ALPK1: variants seen among roughly 807,000 people sequenced by gnomAD.
ALPK1 encodes the protein alpha-protein kinase 1.
ALPK1 carries 110 observed loss-of-function variants against 120.6 expected under a neutral mutation model. The ratio of observed to expected loss-of-function variants is 0.91; its 90% CI spans 0.78 to 1.07. The LOEUF (loss-of-function observed/expected upper bound fraction) is 1.07, where lower values mean the gene tolerates loss of function less well. Ranked by LOEUF, ALPK1 falls within the 50% of genes least tolerant of loss-of-function variation. The pLI is 0.00. For synonymous variants in ALPK1, 582 were observed against 560.3 expected (o/e 1.04, Z -0.55); for missense variants, 1,498 against 1,483.9 (o/e 1.01, Z -0.16).
chr4:112,303,488 T>C (rs1232282822), intron 1 of ALPK1, among the ~76,000 whole-genome samples: 3 of 152,206 alleles, frequency 2.0e-5, no homozygotes, highest in African/African-American at 7.2e-5. Context: ...GAAGTCACAC[T>C]GATTCCATTC....
intron 4 of ALPK1, among the ~76,000 whole-genome samples, chr4:112,407,490 T>TA (rs1465362132): frequency 5.3e-5 from 8 of 151,954 alleles, no homozygotes; most frequent in African/African-American, 1.9e-4. Context: ...AAAAATTAAT[T>TA]AAAAATAAGT....
intron 11 of ALPK1, among the ~76,000 whole-genome samples, chr4:112,432,841 G>A (rs1281429673): frequency 6.6e-6 from 1 of 152,208 alleles, no homozygotes; most frequent in Non-Finnish European, 1.5e-5. Flanking sequence ...GAGGGAGACA[G>A]GAAACTTAGA....
In ALPK1 at chr4:112,431,063, ACTC is replaced by A; in HGVS notation, c.1517_1519del (p.Thr506_Gln507delinsLys). 1 of 1,614,242 alleles carries A rather than the reference ACTC, an allele frequency of 6.2e-7. No individual in the cohort carries two copies. The highest frequency in any genetic ancestry group is 8.5e-7 in the Non-Finnish European group (1 of 1,180,040). On this transcript the variant is annotated inframe_deletion, in exon 11 of 16. Coordinates refer to ENST00000650871, the MANE Select transcript of ALPK1 (RefSeq NM_025144.4). The stretch of plus-strand genomic sequence containing the variant: ...AAAAAACATAGATACTGTGAGTACT[ACTC>A]AAGAAAAGCCACATTGTCAAAGAGA...
At chr4:112,344,003 A>G (rs1038560163) in intron 2 of ALPK1, among the ~76,000 whole-genome samples, 4 of 152,206 alleles carry the variant, frequency 2.6e-5, no homozygotes, top group Non-Finnish European at 5.9e-5. Flanking sequence ...GTATAGGATG[A>G]AAAGAAAGCC....
chr4:112,317,915 A>C (rs1453154942), intron 2 of ALPK1, among the ~76,000 whole-genome samples: 1 of 152,224 alleles, frequency 6.6e-6, no homozygotes, highest in Non-Finnish European at 1.5e-5. Flanking sequence ...CAGTGACTAC[A>C]TAAAGGAAAT....
At chr4:112,438,676 T>A (rs1451144826) in intron 13 of ALPK1, 30 bp downstream of exon 13, 5 of 1,598,156 alleles carry the variant, frequency 3.1e-6, no homozygotes, top group Non-Finnish European at 3.4e-6. Context: ...ATCATTTGGA[T>A]CTTCCAAATC....
chr4:112,425,533 A>T (rs1734197771), intron 6 of ALPK1, 132 bp from the exon 7 acceptor site: 8 of 722,604 alleles, frequency 1.1e-5, no homozygotes, highest in Non-Finnish European at 1.9e-5. Context: ...TTTGGACCTG[A>T]TTCTAAATGT....
intron 14 of ALPK1, 105 bp from the exon 15 acceptor site, chr4:112,440,812 A>AGTGTGT (rs71595596): frequency 0.051 from 67,346 of 1,311,800 alleles, 1,570 homozygotes; most frequent in East Asian, 0.23. Context: ...TATCTCTTTA[A>AGTGTGT]GTGTGTGTGT....
At chr4:112,386,546 A>G (rs962911012) in intron 4 of ALPK1, among the ~76,000 whole-genome samples, 3 of 152,200 alleles carry the variant, frequency 2.0e-5, no homozygotes, top group Admixed American at 2.0e-4. Flanking sequence ...ACGGGGTCAC[A>G]GGCTACGGCG....
intron 2 of ALPK1, among the ~76,000 whole-genome samples, chr4:112,331,410 C>T (rs1055897953): frequency 9.2e-5 from 14 of 152,176 alleles, no homozygotes; most frequent in African/African-American, 3.1e-4. Flanking sequence ...TGTCATCATC[C>T]TTCAATCTTC....
At chr4:112,421,986 C>T (rs1176365563) in intron 5 of ALPK1, among the ~76,000 whole-genome samples, 8 of 152,146 alleles carry the variant, frequency 5.3e-5, no homozygotes, top group African/African-American at 9.7e-5. Context: ...CTGTCCTTTG[C>T]GGCCATTGTT....
chr4:112,431,581 T>A lies in ALPK1; in HGVS notation c.2034T>A (p.Asn678Lys). ...CCTTGACACCCTTCTCGCCTCATAATACCCCAGGCATTTTCTTGGCCCCTG... is the reference window on the plus strand; with the variant it reads ...CCTTGACACCCTTCTCGCCTCATAAAACCCCAGGCATTTTCTTGGCCCCTG... ...QMPLTPFSPH[N>K]TPGIFLAPGA... Residue 678 changes from asparagine to lysine, a missense_variant, in exon 11 of 16, where the codon AAT (asparagine) becomes AAA (lysine). By Grantham distance (94) the Asn-to-Lys change is moderately conservative. Transcript: ENST00000650871. The A allele has an allele frequency of 6.2e-7, 1 of 1,614,184 alleles. No individual in the cohort carries two copies. Among genetic ancestry groups the A allele is most frequent in the South Asian group, 1.1e-5 (1 of 91,080 alleles).
chr4:112,356,566 T>A, intron 2 of ALPK1: 1 of 807,314 alleles, frequency 1.2e-6, no homozygotes, highest in East Asian at 2.9e-5. Flanking sequence ...CAGCTGTGCA[T>A]CCACCCTGAG....
In ALPK1 at chr4:112,432,520, G is replaced by A; in HGVS notation, c.2973G>A (p.Trp991Ter). ...TGTTGGCAGGAGTGAGGCATGATTG[G>A]CTGTTTCAGAGACTAGAGAATACGG... ...EKLLAGVRHD[W>*]LFQRLENTGV... Residue 991 changes from tryptophan to a stop codon, truncating the protein, a stop_gained, in exon 11 of 16, where the codon TGG (tryptophan) becomes TGA (stop). Transcript: ENST00000650871. LOFTEE classifies it high-confidence loss of function. 2.5e-6 allele frequency: 4 copies of A among 1,614,104 alleles called. No homozygotes were observed. Among genetic ancestry groups the A allele is most frequent in the Non-Finnish European group, 3.4e-6 (4 of 1,180,036 alleles).
rs1314766689 is a variant in ALPK1, at chr4:112,430,882, C to G, written c.1335C>G (p.Ile445Met). The G allele has an allele frequency of 1.2e-6, 2 of 1,614,044 alleles. No individual in the cohort carries two copies. Among genetic ancestry groups the G allele is most frequent in the African/African-American group, 2.7e-5 (2 of 74,940 alleles). ...ESFECRLDKL[I>M]LHGQGDFQKI... is the part of the protein sequence containing the mutation. Reference sequence around the variant, plus strand: ...TCGAGTGCAGGTTGGATAAACTTATCTTGCATGGGCAAGGGGATTTCCAAA... The same window carrying G: ...TCGAGTGCAGGTTGGATAAACTTATGTTGCATGGGCAAGGGGATTTCCAAA... Residue 445 changes from isoleucine to methionine, a missense_variant, in exon 11 of 16, where the codon ATC becomes ATG. Physicochemically the swap from Ile to Met is conservative, Grantham distance 10. Coordinates refer to ENST00000650871, the MANE Select transcript of ALPK1 (RefSeq NM_025144.4).
chr4:112,355,867 C>A (rs1730583503), intron 2 of ALPK1, among the ~76,000 whole-genome samples: 1 of 152,244 alleles, frequency 6.6e-6, no homozygotes, highest in South Asian at 2.1e-4. Context: ...GTCTGAACTG[C>A]CTGACAAAGG....
At chr4:112,373,236 T>C (rs1327703634) in intron 2 of ALPK1, among the ~76,000 whole-genome samples, 1 of 152,234 alleles carries the variant, frequency 6.6e-6, no homozygotes, top group Non-Finnish European at 1.5e-5. Context: ...GGGCCTCTTG[T>C]TCACTGTAGC....
intron 3 of ALPK1, among the ~76,000 whole-genome samples, chr4:112,380,869 A>T (rs540399686): frequency 6.6e-6 from 1 of 152,292 alleles, no homozygotes; most frequent in Admixed American, 6.5e-5. Flanking sequence ...GAGCAGTGGG[A>T]TGATGGCTGA....
At chr4:112,362,439 G>A (rs1021088950) in intron 2 of ALPK1, among the ~76,000 whole-genome samples, 6 of 152,120 alleles carry the variant, frequency 3.9e-5, no homozygotes, top group Non-Finnish European at 8.8e-5. Flanking sequence ...AATGTAAAAT[G>A]CACTGCAAAG....
Sources: gnomAD v4.1 joint callset for allele counts (sites outside exome capture counted in the v4.1 genomes callset) on GRCh38, gnomAD v4.1.1 for gene constraint, MANE v1.5 for transcripts, NCBI Gene and HGNC (gene_info 2026-07-23, HGNC 2026-07-21) for gene names.